The following R3HDM1 variants were observed in gnomAD, a reference collection of about 807,000 sequenced individuals.
R3HDM1 encodes the protein R3H domain-containing protein 1.
A neutral mutation model predicts 141.1 loss-of-function variants in R3HDM1; 46 were observed. The ratio of observed to expected loss-of-function variants is 0.33; its 90% CI spans 0.26 to 0.42. R3HDM1 has a LOEUF of 0.42. R3HDM1 is among the 10% of genes least tolerant of loss of function. The pLI is 1.00. For missense variants in R3HDM1, 1,184 were observed against 1,368.3 expected, an observed-to-expected ratio of 0.87 and a Z score of 2.12; for synonymous variants, 435 against 472.9, an observed-to-expected ratio of 0.92 and a Z score of 1.04.
chr2:135,543,722 A>C lies in R3HDM1; in HGVS notation c.-250+12089A>C, dbSNP rs79262835. 7.5e-3 allele frequency among the ~76,000 whole-genome samples: 1,143 copies of C among 152,358 alleles called. 35 individuals carry two copies. The highest frequency in any genetic ancestry group is 0.061 in the Admixed American group (928 of 15,306). ...TTTAACATTTTTGCAAATTTCCTTA[A>C]TGTCTGGCTTAACCGAAGAAGATGG... On this transcript the variant is annotated intron_variant, in intron 1 of 26. Coordinates refer to ENST00000683871, the MANE Select transcript of R3HDM1 (RefSeq NM_001378107.1).
At chr2:135,594,985 C>CG (rs1301521610) in intron 1 of R3HDM1, among the ~76,000 whole-genome samples, 2 of 151,848 alleles carry the variant, frequency 1.3e-5, no homozygotes, top group South Asian at 2.1e-4. Flanking sequence ...ACACCCCCCC[C>CG]CCTTTTCAAT....
At chr2:135,684,360 A>C (rs975996974) in intron 21 of R3HDM1, among the ~76,000 whole-genome samples, 5 of 152,208 alleles carry the variant, frequency 3.3e-5, no homozygotes, top group African/African-American at 7.2e-5. Flanking sequence ...AAGTGCTGGG[A>C]TTACAGGCGT....
chr2:135,715,845 C>T (rs2076107665), intron 24 of R3HDM1, 151 bp downstream of exon 24: 1 of 817,562 alleles, frequency 1.2e-6, no homozygotes, highest in Non-Finnish European at 1.8e-6. Context: ...TGACCATATA[C>T]CCTCCTAACC....
chr2:135,647,897 T>G (rs997551509), intron 16 of R3HDM1, among the ~76,000 whole-genome samples: 1 of 152,208 alleles, frequency 6.6e-6, no homozygotes, highest in African/African-American at 2.4e-5. Flanking sequence ...CTTTCATCAA[T>G]CAATCTTCTA....
intron 19 of R3HDM1, among the ~76,000 whole-genome samples, chr2:135,672,162 CTG>C (rs1187940539): frequency 6.6e-6 from 1 of 152,212 alleles, no homozygotes; most frequent in Non-Finnish European, 1.5e-5. Context: ...AATAGCTCCA[CTG>C]TGTTCAAAAA....
intron 1 of R3HDM1, among the ~76,000 whole-genome samples, chr2:135,543,361 T>A (rs1226115942): frequency 6.6e-6 from 1 of 152,150 alleles, no homozygotes; most frequent in Non-Finnish European, 1.5e-5. Context: ...ACTGTTTGAT[T>A]ATGTACCTTT....
chr2:135,593,714 A>C (rs546811841), intron 1 of R3HDM1, among the ~76,000 whole-genome samples: 1 of 151,200 alleles, frequency 6.6e-6, no homozygotes, highest in Non-Finnish European at 1.5e-5. Flanking sequence ...TTTCTTTTTT[A>C]TTTTATTATT....
At chr2:135,590,555 A>G in intron 1 of R3HDM1, 2 of 985,344 alleles carry the variant, frequency 2.0e-6, no homozygotes, top group Middle Eastern at 5.2e-4. Flanking sequence ...TCTGAAATGC[A>G]TTAAACCCAT....
intron 3 of R3HDM1, among the ~76,000 whole-genome samples, chr2:135,613,384 G>A (rs9677415): frequency 0.032 from 4,868 of 152,126 alleles, 245 homozygotes; most frequent in African/African-American, 0.11. Flanking sequence ...TCCTTCTCAC[G>A]CTTTAAATCT....
At chr2:135,654,638 G>A (rs553556902) in intron 18 of R3HDM1, among the ~76,000 whole-genome samples, 2 of 151,830 alleles carry the variant, frequency 1.3e-5, no homozygotes, top group Non-Finnish European at 2.9e-5. Context: ...TAGTAGAGAC[G>A]GGGTTTCACC....
At chr2:135,531,684 T>C in intron 1 of R3HDM1, 51 bp downstream of exon 1, 1 of 985,914 alleles carries the variant, frequency 1.0e-6, no homozygotes, top group Non-Finnish European at 1.2e-6. Context: ...ATAACGCGCC[T>C]TGCTCCCCTC....
intron 21 of R3HDM1, among the ~76,000 whole-genome samples, chr2:135,682,114 A>G (rs2070409779): frequency 6.7e-6 from 1 of 150,002 alleles, no homozygotes; most frequent in Non-Finnish European, 1.5e-5. Flanking sequence ...AGAGGCAGAA[A>G]TCTGTGCTAA....
chr2:135,709,105 G>T (rs113853654), intron 21 of R3HDM1, among the ~76,000 whole-genome samples: 1 of 151,452 alleles, frequency 6.6e-6, no homozygotes, highest in East Asian at 1.9e-4. Context: ...AATTAGTCTC[G>T]CTCTGTCGCA....
intron 11 of R3HDM1, 151 bp downstream of exon 11, chr2:135,636,334 G>C: frequency 1.5e-6 from 2 of 1,343,774 alleles, no homozygotes; most frequent in Admixed American, 3.3e-5. Context: ...GATCAGTTTT[G>C]CTTGTGTTAT....
intron 5 of R3HDM1, chr2:135,620,785 G>GC (rs1214726465): frequency 2.8e-6 from 1 of 363,594 alleles, no homozygotes. Context: ...AATCCCTTTG[G>GC]GTTCTGGAAT....
rs2065206633 is a variant in R3HDM1 at position 135,652,078 on chromosome 2, T to C, written c.2028+46T>C. 10 of 1,513,494 alleles carry C rather than the reference T, an allele frequency of 6.6e-6. No individual in the cohort carries two copies. The South Asian group carries it at 1.1e-4, about 16-fold the overall frequency. 93.8% of individuals were successfully genotyped at this position (1,513,494 alleles called of 1,614,324 possible). On this transcript the variant is annotated intron_variant, in intron 18 of 26. Coordinates refer to ENST00000683871, the MANE Select transcript of R3HDM1 (RefSeq NM_001378107.1). ...TTCTTTCTTGTGGAAACCTCTCACT[T>C]AAGATCAGTTTTAACTTCAAAGAAC...
chr2:135,604,719 T>A, intron 2 of R3HDM1, 87 bp from the exon 3 acceptor site: 1 of 1,035,758 alleles, frequency 9.7e-7, no homozygotes, highest in South Asian at 1.4e-5. Flanking sequence ...TCAACATTAT[T>A]TCTGGAACAT....
intron 18 of R3HDM1, among the ~76,000 whole-genome samples, chr2:135,658,158 GT>G (rs2066168876): frequency 6.6e-6 from 1 of 152,086 alleles, no homozygotes; most frequent in African/African-American, 2.4e-5. Flanking sequence ...AAGTTTTGTG[GT>G]TTTTTGTTTT....
At chr2:135,533,142 T>C (rs1418347890) in intron 1 of R3HDM1, among the ~76,000 whole-genome samples, 1 of 152,138 alleles carries the variant, frequency 6.6e-6, no homozygotes, top group Non-Finnish European at 1.5e-5. Flanking sequence ...ATTTGTGGTA[T>C]CTATTAAAAA....
Sources: gnomAD v4.1 joint callset for allele counts (sites outside exome capture counted in the v4.1 genomes callset) on GRCh38, gnomAD v4.1.1 for gene constraint, MANE v1.5 for transcripts, NCBI Gene and HGNC (gene_info 2026-07-23, HGNC 2026-07-21) for gene names.